The following KPNA1 variants were observed in gnomAD, a reference collection of about 807,000 sequenced individuals.
KPNA1 encodes the protein importin subunit alpha-5.
In KPNA1, 10 loss-of-function variants were observed where a neutral mutation model predicts 70.5. The ratio of observed to expected loss-of-function variants is 0.14; its 90% CI spans 0.09 to 0.24. KPNA1 has a LOEUF of 0.24. KPNA1 is among the 10% of genes least tolerant of loss of function. KPNA1 has a pLI of 1.00. For synonymous variants in KPNA1, 192 were observed against 221.9 expected, an observed-to-expected ratio of 0.87 and a Z score of 1.20; for missense variants, 397 against 637.9, an observed-to-expected ratio of 0.62 and a Z score of 4.07.
At chr3:122,501,305 T>C (rs1369632171) in intron 1 of KPNA1, among the ~76,000 whole-genome samples, 1 of 152,092 alleles carries the variant, frequency 6.6e-6, no homozygotes, top group Non-Finnish European at 1.5e-5. Flanking sequence ...GGATTACAGG[T>C]GTAAGCCACC....
At chr3:122,451,761 T>G (rs992594552) in intron 7 of KPNA1, 128 bp from the exon 8 acceptor site, 9 of 717,190 alleles carry the variant, frequency 1.3e-5, no homozygotes, top group Non-Finnish European at 1.9e-5. Context: ...ACATTAAAAC[T>G]TCATTAATTC....
chr3:122,450,443 G>A (rs2076186959), intron 8 of KPNA1, among the ~76,000 whole-genome samples: 1 of 152,138 alleles, frequency 6.6e-6, no homozygotes, highest in Non-Finnish European at 1.5e-5. Flanking sequence ...TTAGCCGGGT[G>A]TGGTGGTATG....
chr3:122,476,861 CAA>C (rs144118691), intron 2 of KPNA1, among the ~76,000 whole-genome samples: 8,178 of 65,536 alleles, frequency 0.12, 108 homozygotes, highest in Middle Eastern at 0.22. Flanking sequence ...GGAGGTTCCA[CAA>C]AAAAAAAAAA....
intron 2 of KPNA1, among the ~76,000 whole-genome samples, chr3:122,478,894 C>CAAAAAA (rs57843662): frequency 2.1e-4 from 4 of 18,690 alleles, no homozygotes; most frequent in Admixed American, 1.7e-3. Context: ...AACCTCGTCT[C>CAAAAAA]AAAAAAAAAA....
At chr3:122,471,852 G>T (rs1435734369) in intron 2 of KPNA1, among the ~76,000 whole-genome samples, 1 of 152,160 alleles carries the variant, frequency 6.6e-6, no homozygotes, top group African/African-American at 2.4e-5. Flanking sequence ...GACAAGTTAA[G>T]TTATCAAGGA....
chr3:122,455,374 C>T (rs909838383), intron 5 of KPNA1, among the ~76,000 whole-genome samples: 22 of 152,060 alleles, frequency 1.4e-4, no homozygotes, highest in Non-Finnish European at 2.5e-4. Context: ...TTAAAGAGCC[C>T]GTATCTGGTC....
At chr3:122,450,818 G>A (rs1165940002) in intron 8 of KPNA1, among the ~76,000 whole-genome samples, 1 of 152,130 alleles carries the variant, frequency 6.6e-6, no homozygotes, top group Non-Finnish European at 1.5e-5. Flanking sequence ...GTTTATAGCA[G>A]CACAATTCAC....
chr3:122,436,990 G>T (rs989783273), intron 11 of KPNA1, among the ~76,000 whole-genome samples, 180 bp downstream of exon 11: 1 of 152,144 alleles, frequency 6.6e-6, no homozygotes, highest in African/African-American at 2.4e-5. Flanking sequence ...ATGTTGACCA[G>T]GATAGTCTTG....
intron 2 of KPNA1, among the ~76,000 whole-genome samples, chr3:122,469,125 C>T (rs2076413606): frequency 1.3e-5 from 2 of 152,154 alleles, no homozygotes; most frequent in Non-Finnish European, 2.9e-5. Context: ...ACAACTGTTT[C>T]AGTACTGACT....
rs745470980 is a variant in KPNA1 at position 122,454,010 on chromosome 3, A to G, written c.433-9T>C. 3.2e-6 allele frequency: 5 copies of G among 1,553,024 alleles called. No individual in the cohort carries two copies. Among genetic ancestry groups the G allele is most frequent in the Non-Finnish European group, 2.6e-6 (3 of 1,144,748 alleles). ...ACCCAAGCTGATTCAAACTATAAAG[A>G]TAAAAATAATTTTCATTATCTTTTT... On this transcript the variant is annotated splice_polypyrimidine_tract_variant and intron_variant, in intron 5 of 13. Transcript: ENST00000344337.
intron 2 of KPNA1, among the ~76,000 whole-genome samples, chr3:122,482,234 G>A (rs989060935): frequency 2.6e-5 from 4 of 152,158 alleles, no homozygotes; most frequent in Non-Finnish European, 4.4e-5. Context: ...CACTGGAGGC[G>A]ATTTTAACCC....
intron 2 of KPNA1, 44 bp from the exon 3 acceptor site, chr3:122,467,473 C>CATTT: frequency 4.8e-6 from 6 of 1,240,920 alleles, no homozygotes; most frequent in Non-Finnish European, 7.0e-6. Context: ...TAAATTCTAA[C>CATTT]ACAAGGGAGT....
chr3:122,442,290 G>T (rs1576288077), intron 9 of KPNA1, among the ~76,000 whole-genome samples, 174 bp from the exon 10 acceptor site: 2 of 152,134 alleles, frequency 1.3e-5, no homozygotes, highest in South Asian at 2.1e-4. Flanking sequence ...GTGTTCCCTA[G>T]AACTGTCTTT....
intron 2 of KPNA1, among the ~76,000 whole-genome samples, chr3:122,492,061 C>A (rs998106220): frequency 6.6e-6 from 1 of 151,452 alleles, no homozygotes; most frequent in Non-Finnish European, 1.5e-5. Context: ...GGGGTTTCAC[C>A]GTGTTAGCCA....
chr3:122,439,597 TTA>T (rs1482668557), intron 10 of KPNA1, among the ~76,000 whole-genome samples: 2 of 152,190 alleles, frequency 1.3e-5, no homozygotes, highest in African/African-American at 4.8e-5. Flanking sequence ...TCAAGTTTCT[TTA>T]TCTTACAGGC....
At chr3:122,482,118 T>C (rs2076578615) in intron 2 of KPNA1, among the ~76,000 whole-genome samples, 2 of 152,272 alleles carry the variant, frequency 1.3e-5, no homozygotes. Context: ...ACATCACAGA[T>C]TGTAGTTACA....
chr3:122,462,373 A>C (rs1385502481), intron 4 of KPNA1, among the ~76,000 whole-genome samples: 5 of 152,184 alleles, frequency 3.3e-5, no homozygotes, highest in Non-Finnish European at 7.4e-5. Flanking sequence ...ATTCAATAAA[A>C]TATTACTATG....
At chr3:122,502,200 A>T (rs2076836646) in intron 1 of KPNA1, among the ~76,000 whole-genome samples, 1 of 152,162 alleles carries the variant, frequency 6.6e-6, no homozygotes, top group African/African-American at 2.4e-5. Context: ...AATACAAGAT[A>T]GAGCTAGGAT....
At chr3:122,452,211 A>C (rs1034977822) in intron 6 of KPNA1, 147 bp from the exon 7 acceptor site, 3 of 722,956 alleles carry the variant, frequency 4.1e-6, no homozygotes, top group Non-Finnish European at 5.0e-6. Flanking sequence ...TAATATCCTA[A>C]AGTGTACAAC....
Sources: allele counts gnomAD v4.1 joint callset (sites outside exome capture counted in the v4.1 genomes callset), GRCh38; gene constraint gnomAD v4.1.1; transcripts MANE v1.5; gene names NCBI Gene and HGNC (gene_info 2026-07-23, HGNC 2026-07-21).